APOOL: variants seen among roughly 807,000 people sequenced by gnomAD.
APOOL encodes MICOS complex subunit MIC27.
APOOL carries 12 observed loss-of-function variants against 23.1 expected under a neutral mutation model. The ratio of observed to expected loss-of-function variants is 0.52; its 90% CI spans 0.33 to 0.84. APOOL has a LOEUF of 0.84. Ranked by LOEUF, APOOL falls within the 40% of genes least tolerant of loss-of-function variation. The pLI, the probability that APOOL is intolerant of heterozygous loss-of-function variation, is 0.02. For synonymous variants in APOOL, 77 were observed against 69.9 expected, an observed-to-expected ratio of 1.10 and a Z score of -0.51; for missense variants, 212 against 199.6, an observed-to-expected ratio of 1.06 and a Z score of -0.37.
chrX:85,010,733 G>C (rs1291707661), intron 1 of APOOL, among the ~76,000 whole-genome samples: 1 of 111,547 alleles, frequency 9.0e-6, no homozygotes, highest in Admixed American at 9.5e-5. Flanking sequence ...ACATTTTCTT[G>C]ATCCACTCAT....
intron 8 of APOOL, among the ~76,000 whole-genome samples, chrX:85,077,062 TATATATATATATAC>T (rs1312390966): frequency 1.1e-4 from 5 of 44,444 alleles, no homozygotes; most frequent in Admixed American, 8.3e-4. Flanking sequence ...TATATACACG[TATATATATATATAC>T]ATATATATAT....
intron 1 of APOOL, among the ~76,000 whole-genome samples, chrX:85,026,476 A>T (rs1444681922): frequency 8.8e-6 from 1 of 113,048 alleles, no homozygotes; most frequent in African/African-American, 3.2e-5. Flanking sequence ...AGCCTGTTTG[A>T]AAAAGCTTTT....
chrX:85,047,623 C>T (rs1922618995), intron 2 of APOOL, among the ~76,000 whole-genome samples: 1 of 111,434 alleles, frequency 9.0e-6, no homozygotes, highest in South Asian at 3.8e-4. Flanking sequence ...TGCCTCATCC[C>T]AGTCTGTACT....
At chrX:85,047,594 A>G (rs139895057) in intron 2 of APOOL, among the ~76,000 whole-genome samples, 2 of 111,551 alleles carry the variant, frequency 1.8e-5, no homozygotes, top group African/African-American at 6.5e-5. Flanking sequence ...GCCTTTTTAC[A>G]TGGACTACTG....
At chrX:85,041,314 C>G (rs1400669109) in intron 1 of APOOL, among the ~76,000 whole-genome samples, 1 of 111,818 alleles carries the variant, frequency 8.9e-6, no homozygotes, top group Non-Finnish European at 1.9e-5. Flanking sequence ...CTCTTCTCTC[C>G]CTTCTCAGCC....
At chrX:85,066,396 G>C (rs1020182786) in intron 5 of APOOL, among the ~76,000 whole-genome samples, 45 of 111,369 alleles carry the variant, frequency 4.0e-4, no homozygotes, top group African/African-American at 1.2e-3. Flanking sequence ...CACACAGCTA[G>C]GGTTTGATAC....
At chrX:85,070,566 A>G (rs774353699) in intron 6 of APOOL, among the ~76,000 whole-genome samples, 31 of 111,931 alleles carry the variant, frequency 2.8e-4, no homozygotes, top group African/African-American at 9.1e-4. Context: ...AATTTTCACA[A>G]TATTTAATTG....
At chrX:85,052,897 G>A (rs1246253452) in intron 3 of APOOL, among the ~76,000 whole-genome samples, 1 of 111,552 alleles carries the variant, frequency 9.0e-6, no homozygotes, top group Admixed American at 9.5e-5. Context: ...TCTTTAAATT[G>A]CTATTGTAAC....
intron 5 of APOOL, among the ~76,000 whole-genome samples, chrX:85,059,084 G>C (rs1327574376): frequency 6.6e-5 from 6 of 90,424 alleles, no homozygotes; most frequent in Admixed American, 2.9e-4. Flanking sequence ...GTGTCCATGT[G>C]TTCTCATTGT....
In APOOL at chrX:85,092,943, T is replaced by C; in HGVS notation, c.*5265T>C. The C allele has an allele frequency of 3.0e-6, 1 of 334,810 alleles. No individual in the cohort carries two copies. The highest frequency in any genetic ancestry group is 5.2e-6 in the Non-Finnish European group (1 of 190,801). 27.6% of individuals were successfully genotyped at this position (334,810 alleles called of 1,213,427 possible). A position where few individuals can be genotyped will look rare whatever the true frequency, so the allele number is the denominator to read the frequency against. On this transcript the variant is annotated 3_prime_UTR_variant, in exon 9 of 9. Coordinates refer to ENST00000373173, the MANE Select transcript of APOOL (RefSeq NM_198450.6). ...TAATCTCCCTCCTTCTTACTTTCCC[T>C]TGATAGCAAAAAGGGTGTATAGTGT...
chrX:85,050,168 A>G (rs1205393102), intron 2 of APOOL, among the ~76,000 whole-genome samples: 1 of 111,760 alleles, frequency 8.9e-6, no homozygotes, highest in African/African-American at 3.3e-5. Context: ...GGTAGTAAAG[A>G]GTCATTTAAT....
chrX:85,091,515 A>G lies in APOOL; in HGVS notation c.*3837A>G. The stretch of plus-strand genomic sequence containing the variant: ...TAATTTTTGTGTAGTTTCTATGCCC[A>G]TGAAGTGCCTGGTAGGTAGTAGGAA... On this transcript the variant is annotated 3_prime_UTR_variant, in exon 9 of 9. Coordinates refer to ENST00000373173, the MANE Select transcript of APOOL (RefSeq NM_198450.6). 8.9e-6 allele frequency: 1 copy of G among 112,380 alleles called. No homozygotes were observed. The allele number at this position is 112,380 out of a possible 1,213,427, so 9.3% of individuals were successfully genotyped here.
intron 8 of APOOL, among the ~76,000 whole-genome samples, chrX:85,075,600 A>G (rs776003110): frequency 9.0e-6 from 1 of 111,678 alleles, no homozygotes; most frequent in African/African-American, 3.2e-5. Context: ...TGAATAATCT[A>G]CCAGTGACCA....
intron 5 of APOOL, among the ~76,000 whole-genome samples, chrX:85,061,951 A>G (rs1219496056): frequency 9.0e-6 from 1 of 110,819 alleles, no homozygotes; most frequent in East Asian, 2.9e-4. Context: ...TTGCTTTTCT[A>G]GTTCTTTTAA....
chrX:85,092,685 G>A lies in APOOL; in HGVS notation c.*5007G>A, dbSNP rs917783104. On this transcript the variant is annotated 3_prime_UTR_variant, in exon 9 of 9. Transcript: ENST00000373173. ...TGTGTGAATAATACTTCCAAATATA[G>A]TAGTTACCTTTTGAACTTTTCTATA... is the stretch of plus-strand genomic sequence containing the variant. The A allele has an allele frequency of 1.5e-6, 1 of 651,915 alleles. No homozygotes were observed. The highest frequency in any genetic ancestry group is 2.2e-5 in the African/African-American group (1 of 45,066). 53.7% of individuals were successfully genotyped at this position (651,915 alleles called of 1,213,427 possible). A position where few individuals can be genotyped will look rare whatever the true frequency, so the allele number is the denominator to read the frequency against.
At position 85,048,651 on chromosome X, in the gene APOOL, G is replaced by A. The variant is rs371689271; in HGVS notation, c.120+2101G>A. ...CAACATTTCTAGCTACTTTTATTGTGTAAAGTGAGCTATACTTCTGTTTAA... is the reference window on the plus strand; with the variant it reads ...CAACATTTCTAGCTACTTTTATTGTATAAAGTGAGCTATACTTCTGTTTAA... On this transcript the variant is annotated intron_variant, in intron 2 of 8. Transcript: ENST00000373173. 1.5e-4 allele frequency among the ~76,000 whole-genome samples: 17 copies of A among 111,812 alleles called. No homozygotes were observed. The East Asian group carries it at 2.2e-3, about 15-fold the overall frequency.
At chrX:85,019,599 G>A (rs747827378) in intron 1 of APOOL, among the ~76,000 whole-genome samples, 1 of 112,168 alleles carries the variant, frequency 8.9e-6, no homozygotes, top group Non-Finnish European at 1.9e-5. Context: ...AGCAGCTGAC[G>A]TGAGGATCTG....
intron 6 of APOOL, among the ~76,000 whole-genome samples, chrX:85,073,778 A>G (rs985178075): frequency 9.0e-6 from 1 of 111,303 alleles, no homozygotes; most frequent in East Asian, 2.8e-4. Context: ...TTATGTTACA[A>G]TGTGAATGCA....
chrX:85,077,033 G>GTATATATA (rs1569460485), intron 8 of APOOL, among the ~76,000 whole-genome samples: 1 of 81,223 alleles, frequency 1.2e-5, no homozygotes, highest in African/African-American at 5.2e-5. Flanking sequence ...ATATATGTAT[G>GTATATATA]TATATATATA....
Sources: allele counts gnomAD v4.1 joint callset (sites outside exome capture counted in the v4.1 genomes callset), GRCh38; gene constraint gnomAD v4.1.1; transcripts MANE v1.5; gene names NCBI Gene and HGNC (gene_info 2026-07-23, HGNC 2026-07-21).